The following PLA2G1B variants were observed in gnomAD, a reference collection of about 807,000 sequenced individuals.
PLA2G1B encodes the protein phospholipase A2.
A neutral mutation model predicts 12.5 loss-of-function variants in PLA2G1B; 12 were observed. The ratio of observed to expected loss-of-function variants is 0.96; its 90% CI spans 0.62 to 1.56. The LOEUF (loss-of-function observed/expected upper bound fraction) is 1.56. PLA2G1B is among the 40% of genes most tolerant of loss of function. The pLI is 0.00. For synonymous variants in PLA2G1B, 81 were observed against 73.4 expected (o/e 1.10, Z -0.53); for missense variants, 189 against 186.7 (o/e 1.01, Z -0.07).
chr12:120,324,909 T>C (rs1565875856), intron 3 of PLA2G1B, 25 bp downstream of exon 3: 3 of 1,612,788 alleles, frequency 1.9e-6, no homozygotes, highest in Non-Finnish European at 1.7e-6. Context: ...CTAGAATTCA[T>C]AGGTCAAGGA....
intron 3 of PLA2G1B, among the ~76,000 whole-genome samples, chr12:120,323,821 A>G (rs1027377277): frequency 1.3e-5 from 2 of 152,224 alleles, no homozygotes; most frequent in Non-Finnish European, 2.9e-5. Flanking sequence ...GGTTTGAGGC[A>G]ATATGAAAAA....
chr12:120,325,105 C>A (rs1196148488), intron 2 of PLA2G1B, 44 bp from the exon 3 acceptor site: 2 of 1,611,506 alleles, frequency 1.2e-6, no homozygotes, highest in East Asian at 2.2e-5. Context: ...AAGTGCAGAG[C>A]AATAGGTCAG....
rs766897588 is a variant in PLA2G1B, at chr12:120,325,980, C to T, written c.75G>A (p.Trp25Ter). The T allele has an allele frequency of 2.0e-5, 32 of 1,613,976 alleles. No individual in the cohort carries two copies. The highest frequency in any genetic ancestry group is 2.7e-5 in the Non-Finnish European group (32 of 1,180,014). The change falls in exon 2 of 4, where the codon TGG (tryptophan) becomes TGA (stop). Residue 25 changes from tryptophan (W) to a stop codon, truncating the protein, a stop_gained. Coordinates refer to ENST00000308366, the MANE Select transcript of PLA2G1B (RefSeq NM_000928.3). LOFTEE classifies it high-confidence loss of function. ...CGCACTTGATCATTTTGCGGAACTG[C>T]CACACGGCCCGAGGGCTGATGCCGC... The part of the protein sequence containing the change: ...ADSGISPRAV[W>*]QFRKMIKCVI...
intron 1 of PLA2G1B, 167 bp from the exon 2 acceptor site, chr12:120,326,187 T>G (rs1156972251): frequency 3.7e-5 from 18 of 489,176 alleles, no homozygotes; most frequent in South Asian, 9.6e-5. Flanking sequence ...GTAGAGGTTT[T>G]TTTTTTTTTT....
At chr12:120,326,620 A>G (rs185360128) in intron 1 of PLA2G1B, among the ~76,000 whole-genome samples, 2 of 123,944 alleles carry the variant, frequency 1.6e-5, no homozygotes, top group South Asian at 5.3e-4. Context: ...TAATAATAAT[A>G]ATAATCTCTA....
At chr12:120,325,520 G>A (rs1873324171) in intron 2 of PLA2G1B, among the ~76,000 whole-genome samples, 1 of 152,100 alleles carries the variant, frequency 6.6e-6, no homozygotes, top group Admixed American at 6.6e-5. Flanking sequence ...TTTTAACATG[G>A]TTGCAAGAAT....
At position 120,324,992 on chromosome 12, in the gene PLA2G1B, GT is replaced by G. The variant is rs1376560183; in HGVS notation, c.263del (p.Asp88AlafsTer86). 62 of 1,613,938 alleles carry G rather than the reference GT, an allele frequency of 3.8e-5. No individual in the cohort carries two copies. Among genetic ancestry groups the G allele is most frequent in the Non-Finnish European group, 4.7e-5 (56 of 1,179,974 alleles). On this transcript the variant is annotated frameshift_variant, in exon 3 of 4. Coordinates refer to ENST00000308366, the MANE Select transcript of PLA2G1B (RefSeq NM_000928.3). LOFTEE classifies it high-confidence loss of function. Reference protein sequence around the residue: ...KKLDSCKFLLDNPYTHTYSYS... With the variant: ...KKLDSCKFLLXNPYTHTYSYS... ...ATGAATAGGTGTGGGTGTACGGGTT[GT>G]CCAGCAGAAATTTACAGCTGTCCAG...
chr12:120,326,064 C>G (rs753041320), intron 1 of PLA2G1B, 44 bp from the exon 2 acceptor site: 1 of 1,602,026 alleles, frequency 6.2e-7, no homozygotes, highest in Admixed American at 1.7e-5. Context: ...CTGCCAGCAC[C>G]CCGGGGACAC....
rs1423264815 is a variant in PLA2G1B at position 120,324,930 on chromosome 12, C to T, written c.322+4G>A. The T allele has an allele frequency of 1.2e-6, 2 of 1,613,942 alleles. No homozygotes were observed. Among genetic ancestry groups the T allele is most frequent in the African/African-American group, 1.3e-5 (1 of 74,916 alleles). ...TTCATAGGTCAAGGAAGGGATAAAC[C>T]TACTGCTACAGGTGATTGCCGAGCC... On this transcript the variant is annotated splice_donor_region_variant and intron_variant, in intron 3 of 3. Transcript: ENST00000308366.
rs769420922 is a variant in PLA2G1B, at chr12:120,327,745, G to A, written c.9C>T (p.Leu3=). The A allele has an allele frequency of 1.2e-6, 2 of 1,613,996 alleles. No individual in the cohort carries two copies. Among genetic ancestry groups the A allele is most frequent in the South Asian group, 2.2e-5 (2 of 91,080 alleles). ...CTGTGAGCAGCACAGCTAGCACAAG[G>A]AGTTTCATCTTGCAGTCAAGGTGAG... is the stretch of plus-strand genomic sequence containing the variant. MK[L]LVLAVLLTVA... The change falls in exon 1 of 4, where the codon CTC becomes CTT. Residue 3 remains leucine (L), a synonymous_variant. Coordinates refer to ENST00000308366, the MANE Select transcript of PLA2G1B (RefSeq NM_000928.3).
At chr12:120,323,304 C>T (rs1397889525) in intron 3 of PLA2G1B, among the ~76,000 whole-genome samples, 2 of 151,866 alleles carry the variant, frequency 1.3e-5, no homozygotes, top group Non-Finnish European at 2.9e-5. Flanking sequence ...CTCGCTGTGT[C>T]GCCCAGGCTG....
intron 1 of PLA2G1B, among the ~76,000 whole-genome samples, chr12:120,327,327 T>A (rs996595353): frequency 4.0e-5 from 6 of 151,694 alleles, no homozygotes; most frequent in South Asian, 4.2e-4. Context: ...AAATAAAAAT[T>A]AAAATAAAAT....
At chr12:120,324,370 G>A (rs183715724) in intron 3 of PLA2G1B, among the ~76,000 whole-genome samples, 2 of 152,202 alleles carry the variant, frequency 1.3e-5, no homozygotes, top group East Asian at 3.9e-4. Flanking sequence ...AAGATGGAAT[G>A]TAAAGAAATA....
At chr12:120,325,107 A>G (rs377310715) in intron 2 of PLA2G1B, 46 bp from the exon 3 acceptor site, 250 of 1,611,038 alleles carry the variant, frequency 1.6e-4, no homozygotes, top group South Asian at 1.3e-3. Context: ...GTGCAGAGCA[A>G]TAGGTCAGCC....
chr12:120,327,482 G>A (rs894893681), intron 1 of PLA2G1B, among the ~76,000 whole-genome samples: 2 of 152,072 alleles, frequency 1.3e-5, no homozygotes, highest in African/African-American at 4.8e-5. Context: ...CTGGAAAAAA[G>A]AAAATAAAGG....
At chr12:120,324,899 C>T in intron 3 of PLA2G1B, 35 bp downstream of exon 3, 3 of 1,611,494 alleles carry the variant, frequency 1.9e-6, no homozygotes, top group Non-Finnish European at 2.5e-6. Flanking sequence ...TGAGAACCAA[C>T]TAGAATTCAT....
Position 120,322,219 on chromosome 12 carries a change from C to T in PLA2G1B, c.421G>A (p.Asp141Asn). The T allele has an allele frequency of 6.2e-7, 1 of 1,613,972 alleles. No individual in the cohort carries two copies. The highest frequency in any genetic ancestry group is 1.1e-5 in the South Asian group (1 of 91,066). The change falls in exon 4 of 4, where the codon GAC (aspartate) becomes AAC (asparagine). Residue 141 changes from aspartate to asparagine, a missense_variant. Physicochemically the swap from Asp to Asn is conservative, Grantham distance 23. Transcript: ENST00000308366. ...APYNKAHKNL[D>N]TKKYCQS The stretch of plus-strand genomic sequence containing the variant: ...CAACTCTGACAATACTTCTTGGTGT[C>T]CAGGTTCTTGTGTGCCTTGTTATAT...
intron 1 of PLA2G1B, 108 bp downstream of exon 1, chr12:120,327,612 G>A (rs939657383): frequency 1.9e-5 from 21 of 1,076,924 alleles, no homozygotes; most frequent in East Asian, 7.1e-5. Context: ...TTGAGACTGC[G>A]GGGCTGGCCA....
At chr12:120,326,431 T>G (rs1873349994) in intron 1 of PLA2G1B, among the ~76,000 whole-genome samples, 1 of 148,600 alleles carries the variant, frequency 6.7e-6, no homozygotes, top group South Asian at 2.1e-4. Flanking sequence ...CAAACTCTGC[T>G]TCCCGGGTTC....
Sources: allele counts gnomAD v4.1 joint callset (sites outside exome capture counted in the v4.1 genomes callset), GRCh38; gene constraint gnomAD v4.1.1; transcripts MANE v1.5; gene names NCBI Gene and HGNC (gene_info 2026-07-23, HGNC 2026-07-21).